Variants in CLN3 observed in about 807,000 individuals in gnomAD.
The protein encoded by CLN3 is CLN3 lysosomal/endosomal transmembrane protein, battenin.
In CLN3, 49 loss-of-function variants were observed where a neutral mutation model predicts 60.7. The observed-to-expected ratio is 0.81, with a 90% CI of 0.64 to 1.02. The LOEUF (loss-of-function observed/expected upper bound fraction) is 1.02, where lower values mean the gene tolerates loss of function less well. Ranked by LOEUF, CLN3 falls within the 50% of genes least tolerant of loss-of-function variation. CLN3 has a pLI of 0.00. For synonymous variants in CLN3, 256 were observed against 245.8 expected, an observed-to-expected ratio of 1.04 and a Z score of -0.39; for missense variants, 516 against 557.4, an observed-to-expected ratio of 0.93 and a Z score of 0.75.
At position 28,483,838 on chromosome 16, in the gene CLN3, G is replaced by A. The variant is rs112746997; in HGVS notation, c.790+168C>T. Among the ~76,000 whole-genome samples the A allele has an allele frequency of 8.1e-3, 1,228 of 151,222 alleles. 15 individuals are homozygous for A. Among genetic ancestry groups the A allele is most frequent in the African/African-American group, 0.026 (1,062 of 41,136 alleles). ...CCCAAAGTGCTGGGATATTACAGGC[G>A]TGAGCCACTGTGCTCGTCCTCAACA... On this transcript the variant is annotated intron_variant, in intron 10 of 15. Transcript: ENST00000636147.
intron 14 of CLN3, chr16:28,479,714 A>C: frequency 5.2e-6 from 1 of 193,186 alleles, no homozygotes. Flanking sequence ...GGTTGCAGTG[A>C]GCCAAGATTG....
downstream of CLN3, chr16:28,477,044 G>T: frequency 4.6e-6 from 1 of 219,678 alleles, no homozygotes; most frequent in Non-Finnish European, 9.2e-6. Context: ...GGCTGAGGCA[G>T]GAGAATTGCT....
Position 28,481,986 on chromosome 16 carries a change from C to CA in CLN3, c.1056+118dup, listed in dbSNP as rs371817940. ...TGGACGACAGAGCGAGACTCTGTCT[C>CA]AAAAAAAAAAAAAAAAATTTACACT... On this transcript the variant is annotated intron_variant, in intron 14 of 15. Transcript: ENST00000636147. 92,753 of 551,826 alleles carry CA rather than the reference C, an allele frequency of 0.17. 1,351 individuals carry two copies. The highest frequency in any genetic ancestry group is 0.3 in the African/African-American group (12,172 of 40,166). The allele number at this position is 551,826 out of a possible 1,614,324, so 34.2% of individuals were successfully genotyped here. A position where few individuals can be genotyped will look rare whatever the true frequency, so the allele number is the denominator to read the frequency against.
intron 14 of CLN3, among the ~76,000 whole-genome samples, chr16:28,478,318 A>AAAAT (rs1198409362): frequency 2.0e-5 from 3 of 150,760 alleles, no homozygotes; most frequent in Non-Finnish European, 4.4e-5. Context: ...AAAAAAAAAA[A>AAAAT]AAAATTCTCA....
At chr16:28,481,450 A>ACACACG (rs1203913210) in intron 14 of CLN3, among the ~76,000 whole-genome samples, 1 of 130,976 alleles carries the variant, frequency 7.6e-6, no homozygotes, top group East Asian at 2.1e-4. Flanking sequence ...ACACACACAC[A>ACACACG]CACGCACACA....
At position 28,489,258 on chromosome 16, in the gene CLN3, A is replaced by G; in HGVS notation, c.222+32T>C. 3 of 1,538,670 alleles carry G rather than the reference A, an allele frequency of 1.9e-6. No individual in the cohort carries two copies. In the South Asian group the frequency reaches 3.4e-5, roughly 18 times the overall value. Reference sequence around the variant, plus strand: ...ACCCCCTCATCTTCCCACAGGGACTAACCATGGTGGTGGTGGTAGAGAGTC... The same window carrying G: ...ACCCCCTCATCTTCCCACAGGGACTGACCATGGTGGTGGTGGTAGAGAGTC... On this transcript the variant is annotated intron_variant, in intron 4 of 15. Coordinates refer to ENST00000636147, the MANE Select transcript of CLN3 (RefSeq NM_001042432.2).
intron 5 of CLN3, 59 bp from the exon 6 acceptor site, chr16:28,487,800 C>A: frequency 7.0e-7 from 1 of 1,435,296 alleles, no homozygotes; most frequent in South Asian, 1.2e-5. Flanking sequence ...CTCCCAACCA[C>A]GTGGCCAAGG....
At chr16:28,468,505 G>T in the CLN3 span, among the ~76,000 whole-genome samples, 1 of 148,356 alleles carries the variant, frequency 6.7e-6, no homozygotes, top group African/African-American at 2.5e-5. Flanking sequence ...TCAAATTTTA[G>T]TGCTTAAAAA....
intron 14 of CLN3, chr16:28,479,740 G>A: frequency 4.9e-6 from 1 of 202,458 alleles, no homozygotes. Context: ...CTACATTCCA[G>A]CCTGGGCAAC....
downstream of CLN3, among the ~76,000 whole-genome samples, chr16:28,472,090 A>G (rs1253240454): frequency 6.6e-6 from 1 of 152,244 alleles, no homozygotes; most frequent in African/African-American, 2.4e-5. Flanking sequence ...ACAAAGCTAT[A>G]GTAATTAAGA....
chr16:28,472,903 C>T (rs1409818702), downstream of CLN3, among the ~76,000 whole-genome samples: 1 of 151,208 alleles, frequency 6.6e-6, no homozygotes, highest in Non-Finnish European at 1.5e-5. Flanking sequence ...TCCCAAAGTG[C>T]TGGGATTACA....
chr16:28,487,578 GTC>G (rs1289022646), intron 6 of CLN3, 37 bp from the exon 7 acceptor site: 2 of 1,601,216 alleles, frequency 1.2e-6, no homozygotes, highest in Non-Finnish European at 1.7e-6. Flanking sequence ...GGGAAGGTCG[GTC>G]TCTACTCTCA....
Position 28,477,368 on chromosome 16 carries a change from G to T in CLN3, c.*148C>A, listed in dbSNP as rs1172023051. The T allele has an allele frequency of 2.8e-6, 3 of 1,065,546 alleles. No homozygotes were observed. Among genetic ancestry groups the T allele is most frequent in the South Asian group, 1.3e-5 (1 of 75,514 alleles). The allele number at this position is 1,065,546 out of a possible 1,614,324, so 66.0% of individuals were successfully genotyped here. ...GACAATGGCTGGCCCCCCTGCAAGG[G>T]AAACAAGGCTTCAGCCCTTCCCTAC... is the stretch of plus-strand genomic sequence containing the variant. On this transcript the variant is annotated 3_prime_UTR_variant, in exon 16 of 16. Transcript: ENST00000636147.
intron 10 of CLN3, 47 bp from the exon 11 acceptor site, chr16:28,482,719 A>G: frequency 1.9e-6 from 3 of 1,605,284 alleles, no homozygotes; most frequent in Non-Finnish European, 2.6e-6. Context: ...TTCACACTGA[A>G]GACTCGGCAA....
chr16:28,489,418 C>T (rs1192420436), intron 3 of CLN3, 32 bp from the exon 4 acceptor site: 2 of 1,476,824 alleles, frequency 1.4e-6, no homozygotes, highest in Non-Finnish European at 1.9e-6. Flanking sequence ...TCAACTCCCT[C>T]CTCATCCTGC....
chr16:28,491,315 A>G (rs911180023), intron 3 of CLN3, among the ~76,000 whole-genome samples, 167 bp downstream of exon 3: 3 of 152,200 alleles, frequency 2.0e-5, no homozygotes, highest in Admixed American at 6.5e-5. Flanking sequence ...GGTGATAAGG[A>G]GTGAAGTTTG....
Position 28,477,566 on chromosome 16 carries a change from A to G in CLN3, c.1267T>C (p.Ser423Pro). 6.2e-7 allele frequency: 1 copy of G among 1,613,920 alleles called. No individual in the cohort carries two copies. Among genetic ancestry groups the G allele is most frequent in the Non-Finnish European group, 8.5e-7 (1 of 1,180,004 alleles). ...TGCAGAGGCAAAGCCAGGAGCCCCG[A>G]CAGGGAGATCCCCAGTGTGTCAGAG... Reference protein sequence around the residue: ...CISDTLGISLSGLLALPLHDF... With the variant: ...CISDTLGISLPGLLALPLHDF... The change falls in exon 16 of 16, where the codon TCG becomes CCG. Residue 423 changes from serine to proline, a missense_variant. Physicochemically the swap from Ser to Pro is moderately conservative, Grantham distance 74. Transcript: ENST00000636147.
intron 5 of CLN3, chr16:28,488,327 T>C (rs1412420189): frequency 3.2e-5 from 6 of 187,638 alleles, no homozygotes; most frequent in South Asian, 1.8e-4. Flanking sequence ...TCAATTATTT[T>C]ATATATATAT....
At chr16:28,490,837 G>A (rs976847631) in intron 3 of CLN3, 1 of 151,706 alleles carries the variant, frequency 6.6e-6, no homozygotes, top group Non-Finnish European at 1.5e-5. Flanking sequence ...GGAAGGTTGA[G>A]GTAGGAGGAT....
Sources: allele counts gnomAD v4.1 joint callset (sites outside exome capture counted in the v4.1 genomes callset), GRCh38; gene constraint gnomAD v4.1.1; transcripts MANE v1.5; gene names NCBI Gene and HGNC (gene_info 2026-07-23, HGNC 2026-07-21).